The following SNX29 variants were observed in gnomAD, a reference collection of about 807,000 sequenced individuals.
The protein encoded by SNX29 is sorting nexin-29.
Under a neutral mutation model 102.1 loss-of-function variants are expected in SNX29, and 78 were observed. The ratio of observed to expected loss-of-function variants is 0.76; its 90% CI spans 0.64 to 0.92. The LOEUF (loss-of-function observed/expected upper bound fraction) is 0.92, where lower values mean the gene tolerates loss of function less well. Ranked by LOEUF, SNX29 falls within the 40% of genes least tolerant of loss-of-function variation. The pLI, the probability that SNX29 is intolerant of heterozygous loss-of-function variation, is 0.00. For synonymous variants in SNX29, 580 were observed against 414.5 expected (o/e 1.40, Z -4.85); for missense variants, 1,280 against 1,061.7 (o/e 1.21, Z -2.86).
At chr16:12,262,911 C>T (rs1414868322) in intron 14 of SNX29, among the ~76,000 whole-genome samples, 1 of 152,156 alleles carries the variant, frequency 6.6e-6, no homozygotes, top group African/African-American at 2.4e-5. Context: ...CTCACCTCTC[C>T]CTGCAGCCCT....
chr16:12,287,644 A>G (rs1018208105), intron 15 of SNX29, among the ~76,000 whole-genome samples: 17 of 152,236 alleles, frequency 1.1e-4, no homozygotes, highest in Admixed American at 9.2e-4. Context: ...TATCATTATC[A>G]CACCCTAAAG....
At chr16:12,449,298 G>T (rs1476251480) in intron 18 of SNX29, among the ~76,000 whole-genome samples, 1 of 151,942 alleles carries the variant, frequency 6.6e-6, no homozygotes, top group African/African-American at 2.4e-5. Context: ...AGCCCTCCAA[G>T]ATAAGTAGAA....
At chr16:12,186,656 G>T (rs2076518229) in intron 13 of SNX29, among the ~76,000 whole-genome samples, 1 of 152,132 alleles carries the variant, frequency 6.6e-6, no homozygotes, top group South Asian at 2.1e-4. Flanking sequence ...TGCACTGAAG[G>T]GTCCTGTCTC....
At chr16:12,114,811 A>T (rs2053631051) in intron 11 of SNX29, among the ~76,000 whole-genome samples, 1 of 152,038 alleles carries the variant, frequency 6.6e-6, no homozygotes, top group Non-Finnish European at 1.5e-5. Context: ...CTGGTCTCAA[A>T]TGCATCATAA....
intron 15 of SNX29, among the ~76,000 whole-genome samples, chr16:12,349,753 A>T (rs865952155): frequency 1.3e-5 from 2 of 152,210 alleles, no homozygotes; most frequent in Non-Finnish European, 2.9e-5. Context: ...CTTGAATTTT[A>T]TCCAAATGTG....
intron 16 of SNX29, among the ~76,000 whole-genome samples, chr16:12,379,976 T>A (rs115833820): frequency 0.029 from 4,345 of 152,224 alleles, 154 homozygotes; most frequent in African/African-American, 0.084. Context: ...CAGTATTGAA[T>A]GTCACAGAGC....
intron 19 of SNX29, among the ~76,000 whole-genome samples, chr16:12,505,927 T>C (rs527812905): frequency 6.6e-6 from 1 of 152,240 alleles, no homozygotes; most frequent in South Asian, 2.1e-4. Context: ...TGATCATATT[T>C]TGTAGTTTTT....
At chr16:12,086,215 A>G (rs1347750439) in intron 11 of SNX29, among the ~76,000 whole-genome samples, 1 of 151,964 alleles carries the variant, frequency 6.6e-6, no homozygotes, top group Non-Finnish European at 1.5e-5. Flanking sequence ...TGTGTTAGCC[A>G]GGATGGTCTC....
intron 14 of SNX29, among the ~76,000 whole-genome samples, chr16:12,239,517 T>C (rs929301555): frequency 5.3e-5 from 8 of 151,916 alleles, no homozygotes; most frequent in Admixed American, 5.2e-4. Context: ...GCTATTTCTA[T>C]TGAAAACTAC....
intron 20 of SNX29, among the ~76,000 whole-genome samples, chr16:12,534,832 G>C (rs183220364): frequency 6.6e-6 from 1 of 152,306 alleles, no homozygotes; most frequent in South Asian, 2.1e-4. Flanking sequence ...ACAGCTGGGA[G>C]TGAATGCAGA....
chr16:12,006,803 G>A (rs1319474507), intron 3 of SNX29, among the ~76,000 whole-genome samples: 1 of 152,082 alleles, frequency 6.6e-6, no homozygotes, highest in Non-Finnish European at 1.5e-5. Flanking sequence ...ATTTTTTGTA[G>A]AGATGGGGTC....
At chr16:12,523,413 T>A (rs559636541) in intron 19 of SNX29, among the ~76,000 whole-genome samples, 2 of 152,234 alleles carry the variant, frequency 1.3e-5, no homozygotes, top group Non-Finnish European at 2.9e-5. Flanking sequence ...TTCACCTTGC[T>A]TGGTCTTCGG....
chr16:12,112,801 G>C (rs563810773), intron 11 of SNX29, among the ~76,000 whole-genome samples: 1 of 152,300 alleles, frequency 6.6e-6, no homozygotes, highest in South Asian at 2.1e-4. Flanking sequence ...CCTTAGCTTA[G>C]AAGTGCAGGT....
At chr16:12,195,680 C>G (rs1324209643) in intron 13 of SNX29, among the ~76,000 whole-genome samples, 1 of 152,158 alleles carries the variant, frequency 6.6e-6, no homozygotes, top group Non-Finnish European at 1.5e-5. Context: ...TCAATGTTGC[C>G]CTGTTCACTT....
At chr16:12,017,798 A>T (rs6498263) in intron 3 of SNX29, among the ~76,000 whole-genome samples, 151,362 of 152,284 alleles carry the variant, frequency 0.99, 75,232 homozygotes, top group Middle Eastern at 1. Context: ...TGTGTTAACG[A>T]CATTGGTTAA....
At chr16:12,369,582 A>G (rs549847258) in intron 16 of SNX29, among the ~76,000 whole-genome samples, 23 of 152,246 alleles carry the variant, frequency 1.5e-4, no homozygotes, top group Admixed American at 1.1e-3. Flanking sequence ...TGACCATTTC[A>G]TTTCTGTCAT....
At chr16:12,061,500 G>C (rs776577152) in intron 8 of SNX29, 28 bp from the exon 9 acceptor site, 3 of 1,555,310 alleles carry the variant, frequency 1.9e-6, no homozygotes, top group Admixed American at 3.8e-5. Context: ...TCTTTGGCCT[G>C]TCCTGCAGCT....
chr16:12,537,462 G>A (rs572452347), intron 20 of SNX29, among the ~76,000 whole-genome samples: 4 of 150,520 alleles, frequency 2.7e-5, no homozygotes, highest in South Asian at 4.2e-4. Context: ...CTCTGCCTCA[G>A]CATCCTCATC....
rs971583185 is a variant in SNX29 at position 12,572,237 on chromosome 16, C to T, written c.*3608C>T. On this transcript the variant is annotated 3_prime_UTR_variant, in exon 21 of 21. Coordinates refer to ENST00000566228, the MANE Select transcript of SNX29 (RefSeq NM_032167.5). ...ACCAGAGGCTCCTGAAAGTCGTTTA[C>T]ACCAGGTGGATTGATACCATGGCTG... 16 of 1,038,290 alleles carry T rather than the reference C, an allele frequency of 1.5e-5. No homozygotes were observed. The highest frequency in any genetic ancestry group is 1.2e-4 in the African/African-American group (7 of 60,426). 64.3% of individuals were successfully genotyped at this position (1,038,290 alleles called of 1,614,324 possible).
Sources: gnomAD v4.1 joint callset for allele counts (sites outside exome capture counted in the v4.1 genomes callset) on GRCh38, gnomAD v4.1.1 for gene constraint, MANE v1.5 for transcripts, NCBI Gene and HGNC (gene_info 2026-07-23, HGNC 2026-07-21) for gene names.